The following TNRC6B variants were observed in gnomAD, a reference collection of about 807,000 sequenced individuals.
The protein encoded by TNRC6B is trinucleotide repeat containing adaptor 6B.
Under a neutral mutation model 203.6 loss-of-function variants are expected in TNRC6B, and 52 were observed. The ratio of observed to expected loss-of-function variants is 0.26; its 90% CI spans 0.20 to 0.32. The LOEUF is 0.32. Ranked by LOEUF, TNRC6B falls within the 10% of genes least tolerant of loss-of-function variation. The pLI is 1.00. For synonymous variants in TNRC6B, 838 were observed against 845.7 expected (o/e 0.99, Z 0.16); for missense variants, 1,923 against 2,286.2 (o/e 0.84, Z 3.24).
chr22:40,059,815 G>GTT (rs764365612), intron 1 of TNRC6B, among the ~76,000 whole-genome samples: 102 of 126,114 alleles, frequency 8.1e-4, no homozygotes, highest in Admixed American at 9.5e-4. Flanking sequence ...ATAGAGTTTG[G>GTT]TTTTTTTTTT....
chr22:40,092,735 C>T (rs897808918), intron 1 of TNRC6B, among the ~76,000 whole-genome samples: 1 of 152,156 alleles, frequency 6.6e-6, no homozygotes, highest in African/African-American at 2.4e-5. Context: ...GTCTCAAATG[C>T]CGGCCTCTGG....
chr22:40,067,208 A>T (rs1367958493), intron 1 of TNRC6B, among the ~76,000 whole-genome samples: 1 of 152,184 alleles, frequency 6.6e-6, no homozygotes, highest in Non-Finnish European at 1.5e-5. Context: ...ATGTTGCATG[A>T]TACAAAGTAT....
intron 1 of TNRC6B, among the ~76,000 whole-genome samples, chr22:40,075,163 T>A (rs1431024705): frequency 0.014 from 1,631 of 119,666 alleles, 23 homozygotes; most frequent in African/African-American, 0.041. Flanking sequence ...TATATTTTTT[T>A]TTTTTTTTTT....
At chr22:40,321,352 G>A in intron 22 of TNRC6B, 123 bp downstream of exon 22, 1 of 1,177,668 alleles carries the variant, frequency 8.5e-7, no homozygotes, top group Non-Finnish European at 1.2e-6. Context: ...CGTCACACGT[G>A]CATCTGCAAG....
intron 3 of TNRC6B, among the ~76,000 whole-genome samples, chr22:40,256,193 C>T (rs1187826651): frequency 6.6e-6 from 1 of 152,074 alleles, no homozygotes; most frequent in African/African-American, 2.4e-5. Context: ...TAAGTTCATT[C>T]TTTGAGGGTG....
At chr22:40,286,513 A>T (rs2070784494) in intron 12 of TNRC6B, among the ~76,000 whole-genome samples, 1 of 152,208 alleles carries the variant, frequency 6.6e-6, no homozygotes, top group South Asian at 2.1e-4. Flanking sequence ...TTTCAAAAAA[A>T]AAAATAGAAA....
intron 3 of TNRC6B, among the ~76,000 whole-genome samples, chr22:40,132,515 G>A (rs908386297): frequency 1.2e-4 from 18 of 147,068 alleles, no homozygotes; most frequent in African/African-American, 4.3e-4. Flanking sequence ...GCGAGGGCGA[G>A]GGGCCTGTAG....
At chr22:40,239,669 T>C (rs1307818731) in intron 1 of TNRC6B, among the ~76,000 whole-genome samples, 1 of 152,186 alleles carries the variant, frequency 6.6e-6, no homozygotes, top group Non-Finnish European at 1.5e-5. Context: ...AGCTCTTAGC[T>C]TTCCCTTTGC....
intron 1 of TNRC6B, among the ~76,000 whole-genome samples, chr22:40,093,503 C>T (rs2068164930): frequency 6.6e-6 from 1 of 152,196 alleles, no homozygotes; most frequent in Non-Finnish European, 1.5e-5. Flanking sequence ...TTGGCAAATT[C>T]AAGATCCTAG....
At chr22:40,161,480 C>G (rs913297092) in intron 4 of TNRC6B, among the ~76,000 whole-genome samples, 8 of 152,240 alleles carry the variant, frequency 5.3e-5, no homozygotes, top group African/African-American at 1.9e-4. Context: ...CTTTATCTCC[C>G]CATTTAACGT....
At chr22:40,104,746 C>T (rs1027278624) in intron 1 of TNRC6B, among the ~76,000 whole-genome samples, 7 of 152,166 alleles carry the variant, frequency 4.6e-5, no homozygotes, top group African/African-American at 1.7e-4. Flanking sequence ...CTCACACTTA[C>T]CTGGTGCATA....
chr22:40,126,514 C>T (rs1222470366), intron 3 of TNRC6B, among the ~76,000 whole-genome samples: 1 of 146,912 alleles, frequency 6.8e-6, no homozygotes, highest in Non-Finnish European at 1.5e-5. Context: ...TTTTCTGTTT[C>T]TGTGTTAATT....
At chr22:40,225,730 GA>G (rs2069774696) in intron 1 of TNRC6B, among the ~76,000 whole-genome samples, 1 of 115,842 alleles carries the variant, frequency 8.6e-6, no homozygotes, top group Admixed American at 1.2e-4. Context: ...GCGACAGAGT[GA>G]GACTCCGTCT....
At chr22:40,228,851 G>A (rs1406174004) in intron 1 of TNRC6B, among the ~76,000 whole-genome samples, 1 of 152,118 alleles carries the variant, frequency 6.6e-6, no homozygotes, top group East Asian at 1.9e-4. Context: ...AGCCTGTTTG[G>A]ATATTTGTAA....
In TNRC6B at chr22:40,308,526, G is replaced by A. The variant is rs758766412; in HGVS notation, c.4135G>A (p.Gly1379Ser). The change falls in exon 16 of 23, where the codon GGC (glycine) becomes AGC (serine). Residue 1379 changes from glycine (G) to serine (S), a missense_variant. Transcript: ENST00000454349. Reference sequence around the variant, plus strand: ...CTCCTTTTTAGGCTTCAGCTCTGGCGGCATGGACTATGGCATGGTTGGTGG... The same window carrying A: ...CTCCTTTTTAGGCTTCAGCTCTGGCAGCATGGACTATGGCATGGTTGGTGG... ...PGYGSGFSSG[G>S]MDYGMVGGKE... 26 of 1,613,804 alleles carry A rather than the reference G, an allele frequency of 1.6e-5. No individual in the cohort carries two copies. In the African/African-American group the frequency reaches 1.7e-4, roughly 11 times the overall value.
At position 40,329,284 on chromosome 22, in the gene TNRC6B, A is replaced by G. The variant is rs149796479; in HGVS notation, c.*6043A>G. ...GAAACACACAGATACACATAATGCT[A>G]TTGAGGACATTGTCATTCTGTAAGA... On this transcript the variant is annotated 3_prime_UTR_variant, in exon 23 of 23. Transcript: ENST00000454349. The G allele has an allele frequency of 3.9e-5, 6 of 152,334 alleles. No individual in the cohort carries two copies. In the South Asian group the frequency reaches 1.2e-3, roughly 32 times the overall value. 9.4% of individuals were successfully genotyped at this position (152,334 alleles called of 1,614,324 possible). A position where few individuals can be genotyped will look rare whatever the true frequency, so the allele number is the denominator to read the frequency against.
intron 3 of TNRC6B, among the ~76,000 whole-genome samples, chr22:40,139,553 A>C (rs1324811544): frequency 4.6e-5 from 7 of 152,070 alleles, no homozygotes; most frequent in Admixed American, 6.6e-5. Context: ...GCTGGTCTCG[A>C]ACTCCTGACA....
chr22:40,163,480 A>AAAAAAAAAAAC lies in TNRC6B; in HGVS notation c.113+7298_113+7299insAAAAAAAAAAC, dbSNP rs568063097. ...TCAAAAAAAAAAAAAAAAAAAAAAA[A>AAAAAAAAAAAC]GGCCAGGCACGGTGGCTCACGCCTG... On this transcript the variant is annotated intron_variant, in intron 4 of 23. Transcript: ENST00000301923. 6.0e-5 allele frequency among the ~76,000 whole-genome samples: 4 copies of AAAAAAAAAAAC among 66,224 alleles called. 2 individuals are homozygous for AAAAAAAAAAAC. Among genetic ancestry groups the AAAAAAAAAAAC allele is most frequent in the Non-Finnish European group, 1.1e-4 (4 of 35,324 alleles). The allele number at this position is 66,224 out of a possible 152,430, so 43.4% of individuals were successfully genotyped here. A position where few individuals can be genotyped will look rare whatever the true frequency, so the allele number is the denominator to read the frequency against.
intron 1 of TNRC6B, among the ~76,000 whole-genome samples, chr22:40,070,398 G>A (rs2067936711): frequency 6.6e-6 from 1 of 152,060 alleles, no homozygotes; most frequent in Non-Finnish European, 1.5e-5. Flanking sequence ...ATCTCATGCT[G>A]TTTTTCTTTA....
Sources: allele counts gnomAD v4.1 joint callset (sites outside exome capture counted in the v4.1 genomes callset), GRCh38; gene constraint gnomAD v4.1.1; transcripts MANE v1.5; gene names NCBI Gene and HGNC (gene_info 2026-07-23, HGNC 2026-07-21).